NCOA5: variants seen among roughly 807,000 people sequenced by gnomAD.
NCOA5 encodes NCoA-5.
Under a neutral mutation model 59.0 loss-of-function variants are expected in NCOA5, and 12 were observed. The observed-to-expected ratio is 0.20, with a 90% confidence interval of 0.13 to 0.33. The LOEUF is 0.33. Among genes scored for constraint, NCOA5 ranks in the 10% least tolerant of loss-of-function variants. NCOA5 has a pLI of 1.00. For synonymous variants in NCOA5, 270 were observed against 275.5 expected (o/e 0.98, Z 0.20); for missense variants, 655 against 766.6 (o/e 0.85, Z 1.72).
chr20:46,080,108 G>A (rs1379435388), intron 1 of NCOA5, among the ~76,000 whole-genome samples: 1 of 152,114 alleles, frequency 6.6e-6, no homozygotes. Context: ...GTATAGTAGG[G>A]TTAGGTAATA....
chr20:46,069,034 T>C (rs1324421249), intron 3 of NCOA5, among the ~76,000 whole-genome samples: 4 of 152,210 alleles, frequency 2.6e-5, no homozygotes, highest in African/African-American at 9.6e-5. Flanking sequence ...CTTGAACTCT[T>C]GAGCTCAGGC....
At position 46,062,095 on chromosome 20, in the gene NCOA5, A is replaced by C. The variant is rs1274119686; in HGVS notation, c.*205T>G. 2.1e-6 allele frequency: 1 copy of C among 479,276 alleles called. No individual in the cohort carries two copies. Among genetic ancestry groups the C allele is most frequent in the East Asian group, 3.1e-5 (1 of 32,684 alleles). The allele number at this position is 479,276 out of a possible 1,614,324, so 29.7% of individuals were successfully genotyped here. On this transcript the variant is annotated 3_prime_UTR_variant, in exon 8 of 8. Transcript: ENST00000290231. Reference sequence around the variant, plus strand: ...TTTTCTACAAAACAAAAAACAAAAAAAGATACAGCCCCAAATGCAGTATAA... The same window carrying C: ...TTTTCTACAAAACAAAAAACAAAAACAGATACAGCCCCAAATGCAGTATAA...
Position 46,062,259 on chromosome 20 carries a change from C to G in NCOA5, c.*41G>C, listed in dbSNP as rs767084566. The G allele has an allele frequency of 7.9e-6, 12 of 1,511,122 alleles. No homozygotes were observed. The South Asian group carries it at 1.4e-4, about 18-fold the overall frequency. 93.6% of individuals were successfully genotyped at this position (1,511,122 alleles called of 1,614,324 possible). On this transcript the variant is annotated 3_prime_UTR_variant, in exon 8 of 8. Coordinates refer to ENST00000290231, the MANE Select transcript of NCOA5 (RefSeq NM_020967.3). ...TTTAGAACAAGTAAGTGGGAGGAGG[C>G]CAGGGGATGAGGGGACTGGGGAGAG...
chr20:46,078,471 T>C (rs1024294421), intron 2 of NCOA5, among the ~76,000 whole-genome samples: 1 of 152,214 alleles, frequency 6.6e-6, no homozygotes, highest in African/African-American at 2.4e-5. Flanking sequence ...CAGTTTACTG[T>C]GGTACGTAGT....
chr20:46,079,347 C>T, intron 2 of NCOA5, 40 bp downstream of exon 2: 1 of 1,609,774 alleles, frequency 6.2e-7, no homozygotes, highest in Non-Finnish European at 8.5e-7. Context: ...CCCCAGAGCC[C>T]AACTCTCCCA....
intron 2 of NCOA5, among the ~76,000 whole-genome samples, chr20:46,071,895 T>G (rs1165489177): frequency 6.6e-6 from 1 of 152,178 alleles, no homozygotes; most frequent in Non-Finnish European, 1.5e-5. Flanking sequence ...GCATTTACCC[T>G]TTTACAACAA....
intron 1 of NCOA5, among the ~76,000 whole-genome samples, chr20:46,089,476 G>A (rs1377793923): frequency 6.6e-6 from 1 of 152,212 alleles, no homozygotes; most frequent in Non-Finnish European, 1.5e-5. Flanking sequence ...TCGACAGGGG[G>A]TGCGGGATGT....
chr20:46,076,597 A>C (rs1460450616), intron 2 of NCOA5, among the ~76,000 whole-genome samples: 1 of 149,884 alleles, frequency 6.7e-6, no homozygotes, highest in Non-Finnish European at 1.5e-5. Context: ...AAAAACTGGG[A>C]CTCTTAGTTC....
At chr20:46,066,959 T>C in intron 5 of NCOA5, 96 bp downstream of exon 5, 1 of 1,396,500 alleles carries the variant, frequency 7.2e-7, no homozygotes, top group Non-Finnish European at 9.7e-7. Context: ...AATGCAAGAA[T>C]ACACAGCTCA....
rs2084775597 is a variant in NCOA5, at chr20:46,062,329, G to A, written c.1711C>T (p.Pro571Ser). The change falls in exon 8 of 8, where the codon CCC (proline) becomes TCC (serine). Residue 571 changes from proline (P) to serine (S), a missense_variant. By Grantham distance (74) the Pro-to-Ser change is moderately conservative. Transcript: ENST00000290231. The stretch of plus-strand genomic sequence containing the variant: ...TAATGCCTCTGGTAAGATCCCATGG[G>A]GGCCTGTGGCTGCCCCATCTGTGCT... The part of the protein sequence containing the change: ...TTAQMGQPQA[P>S]MGSYQRHY 1 of 1,613,842 alleles carries A rather than the reference G, an allele frequency of 6.2e-7. No individual in the cohort carries two copies. Among genetic ancestry groups the A allele is most frequent in the East Asian group, 2.2e-5 (1 of 44,874 alleles).
chr20:46,065,317 C>G, intron 5 of NCOA5, 89 bp from the exon 6 acceptor site: 4 of 1,269,894 alleles, frequency 3.1e-6, no homozygotes, highest in Non-Finnish European at 3.4e-6. Context: ...CTACTGATAA[C>G]TCAAACCTTA....
intron 1 of NCOA5, among the ~76,000 whole-genome samples, chr20:46,084,920 T>C (rs2085030877): frequency 6.6e-6 from 1 of 152,240 alleles, no homozygotes; most frequent in Non-Finnish European, 1.5e-5. Flanking sequence ...TAGCTTATAA[T>C]TAATACATTG....
intron 1 of NCOA5, among the ~76,000 whole-genome samples, chr20:46,088,586 G>T (rs183615677): frequency 6.6e-6 from 1 of 152,304 alleles, no homozygotes; most frequent in Admixed American, 6.5e-5. Flanking sequence ...GAGCCAACAG[G>T]GGGCTACGAC....
chr20:46,063,597 C>T lies in NCOA5; in HGVS notation c.913G>A (p.Glu305Lys). Residue 305 changes from glutamate (E) to lysine (K), a missense_variant, in exon 7 of 8, where the codon GAA becomes AAA. Physicochemically the swap from Glu to Lys is moderately conservative, Grantham distance 56. Transcript: ENST00000290231. ...GCCTGTCTGGCAATCTCCTCACGTT[C>T]CTTCTCCCGGCACTCATTCTTGTAA... ...ERYKNECREK[E>K]REEIARQAAK... 11 of 1,614,180 alleles carry T rather than the reference C, an allele frequency of 6.8e-6. No homozygotes were observed. Among genetic ancestry groups the T allele is most frequent in the Non-Finnish European group, 9.3e-6 (11 of 1,180,052 alleles).
At chr20:46,064,370 G>A (rs1395520629) in intron 6 of NCOA5, among the ~76,000 whole-genome samples, 1 of 152,256 alleles carries the variant, frequency 6.6e-6, no homozygotes, top group Non-Finnish European at 1.5e-5. Flanking sequence ...TGCTGTAAGA[G>A]TGAGGAGCAG....
rs763981942 is a variant in NCOA5 at position 46,063,407 on chromosome 20, C to T, written c.1103G>A (p.Arg368Gln). 8.1e-6 allele frequency: 13 copies of T among 1,614,060 alleles called. No individual in the cohort carries two copies. The highest frequency in any genetic ancestry group is 6.7e-5 in the Admixed American group (4 of 60,016). Residue 368 changes from arginine to glutamine, a missense_variant, in exon 7 of 8, where the codon CGA becomes CAA. This residue lies in a region of NCOA5 where 325 missense variants were observed against 353.2 expected (regional missense o/e 0.92). Transcript: ENST00000290231. ...CCTCATCAGCCGCTCCTTCCGCTCT[C>T]GCAGGTAGTTGATGATCTTGTCAGT... is the stretch of plus-strand genomic sequence containing the variant. ...EETDKIINYL[R>Q]ERKERLMRSS... is the part of the protein sequence containing the mutation.
chr20:46,068,933 A>ATAATTTGCCATTT (rs2084852653), intron 3 of NCOA5, among the ~76,000 whole-genome samples: 2 of 152,222 alleles, frequency 1.3e-5, no homozygotes, highest in African/African-American at 4.8e-5. Flanking sequence ...CTAAACGCAT[A>ATAATTTGCCATTT]TAACAATAAT....
At chr20:46,079,090 C>A (rs1248305941) in intron 2 of NCOA5, among the ~76,000 whole-genome samples, 1 of 152,156 alleles carries the variant, frequency 6.6e-6, no homozygotes, top group Non-Finnish European at 1.5e-5. Flanking sequence ...GCTCTGGAGG[C>A]TCCCAATGAC....
intron 1 of NCOA5, among the ~76,000 whole-genome samples, chr20:46,085,008 A>G (rs2145555234): frequency 6.6e-6 from 1 of 152,330 alleles, no homozygotes; most frequent in Non-Finnish European, 1.5e-5. Flanking sequence ...TGGAAATGAC[A>G]CAGCTAAAGT....
Sources: allele counts gnomAD v4.1 joint callset (sites outside exome capture counted in the v4.1 genomes callset), GRCh38; gene constraint gnomAD v4.1.1; regional missense constraint gnomAD v4.1.1; transcripts MANE v1.5; gene names NCBI Gene and HGNC (gene_info 2026-07-23, HGNC 2026-07-21).